ROCK2: variants seen among roughly 807,000 people sequenced by gnomAD.
ROCK2 encodes the protein rho-associated protein kinase 2.
ROCK2 carries 61 observed loss-of-function variants against 195.1 expected under a neutral mutation model. The observed-to-expected ratio is 0.31, with a 90% CI of 0.25 to 0.39. The LOEUF (loss-of-function observed/expected upper bound fraction) is 0.39, where lower values mean the gene tolerates loss of function less well. Among genes scored for constraint, ROCK2 ranks in the 10% least tolerant of loss-of-function variants. ROCK2 has a pLI of 1.00. For synonymous variants in ROCK2, 504 were observed against 545.5 expected, an observed-to-expected ratio of 0.92 and a Z score of 1.06; for missense variants, 1,109 against 1,637.4, an observed-to-expected ratio of 0.68 and a Z score of 5.57.
intron 1 of ROCK2, among the ~76,000 whole-genome samples, chr2:11,328,119 A>G (rs1470303830): frequency 3.9e-5 from 6 of 152,114 alleles, no homozygotes; most frequent in Non-Finnish European, 7.4e-5. Flanking sequence ...CCCAAAGTCC[A>G]TCATCTATGA....
At chr2:11,333,178 A>G (rs1057196483) in intron 1 of ROCK2, among the ~76,000 whole-genome samples, 6 of 152,218 alleles carry the variant, frequency 3.9e-5, no homozygotes, top group Non-Finnish European at 5.9e-5. Flanking sequence ...AAACAGTTGA[A>G]AATAAAAAGA....
chr2:11,284,843 T>G (rs1485521131), intron 3 of ROCK2, among the ~76,000 whole-genome samples: 1 of 152,226 alleles, frequency 6.6e-6, no homozygotes, highest in African/African-American at 2.4e-5. Context: ...CTGGCCAATG[T>G]TCTTTCCCAT....
chr2:11,247,976 C>A (rs1271865315), intron 4 of ROCK2, among the ~76,000 whole-genome samples: 2 of 151,678 alleles, frequency 1.3e-5, no homozygotes, highest in Admixed American at 1.3e-4. Context: ...GAGCGAAGAT[C>A]ACGCCACTGA....
intron 4 of ROCK2, among the ~76,000 whole-genome samples, chr2:11,244,509 T>C (rs1036816705): frequency 6.6e-6 from 1 of 152,170 alleles, no homozygotes; most frequent in Non-Finnish European, 1.5e-5. Context: ...ATGTCTATAA[T>C]AATCCCAGTG....
chr2:11,294,814 G>T (rs766462254), intron 1 of ROCK2, among the ~76,000 whole-genome samples: 29 of 151,824 alleles, frequency 1.9e-4, no homozygotes, highest in Non-Finnish European at 3.7e-4. Context: ...GCCTTGCTCT[G>T]TTGCCCAGGC....
At chr2:11,290,562 C>T (rs560109322) in intron 1 of ROCK2, among the ~76,000 whole-genome samples, 5 of 152,134 alleles carry the variant, frequency 3.3e-5, no homozygotes, top group Non-Finnish European at 2.9e-5. Flanking sequence ...TCCAACCGTA[C>T]AGAAATGACA....
At chr2:11,214,274 G>C (rs1016799617) in intron 17 of ROCK2, 83 bp downstream of exon 17, 5 of 723,110 alleles carry the variant, frequency 6.9e-6, no homozygotes, top group Non-Finnish European at 1.2e-5. Context: ...TCCAGTTAGT[G>C]ACTTCCCTTA....
intron 1 of ROCK2, among the ~76,000 whole-genome samples, chr2:11,304,783 G>A (rs528392236): frequency 2.6e-4 from 40 of 152,138 alleles, no homozygotes; most frequent in African/African-American, 7.2e-4. Flanking sequence ...TAAACGTTTC[G>A]AAATCACAAC....
In ROCK2 at chr2:11,181,939, T is replaced by G. The variant is rs1409499908; in HGVS notation, c.*1498A>C. The G allele has an allele frequency of 6.6e-6, 1 of 151,984 alleles. No individual in the cohort carries two copies. Among genetic ancestry groups the G allele is most frequent in the Non-Finnish European group, 1.5e-5 (1 of 67,998 alleles). 9.4% of individuals were successfully genotyped at this position (151,984 alleles called of 1,614,324 possible). A position where few individuals can be genotyped will look rare whatever the true frequency, so the allele number is the denominator to read the frequency against. On this transcript the variant is annotated 3_prime_UTR_variant, in exon 33 of 33. Transcript: ENST00000315872. Reference sequence around the variant, plus strand: ...TAAGCCACCATGCCTGGCCAGATGATGTATTTAAATATCATACCAAACTCT... The same window carrying G: ...TAAGCCACCATGCCTGGCCAGATGAGGTATTTAAATATCATACCAAACTCT...
intron 1 of ROCK2, among the ~76,000 whole-genome samples, chr2:11,310,303 T>C (rs1189314353): frequency 6.6e-6 from 1 of 152,162 alleles, no homozygotes; most frequent in East Asian, 1.9e-4. Flanking sequence ...TGGCCATCAC[T>C]GTAAAGTCTT....
chr2:11,209,033 A>G (rs1664160173), intron 18 of ROCK2, among the ~76,000 whole-genome samples: 1 of 152,202 alleles, frequency 6.6e-6, no homozygotes, highest in African/African-American at 2.4e-5. Flanking sequence ...TATATTCTAC[A>G]AGATGCTTAC....
At chr2:11,229,749 C>G (rs1664940108) in intron 5 of ROCK2, among the ~76,000 whole-genome samples, 2 of 151,798 alleles carry the variant, frequency 1.3e-5, no homozygotes, top group East Asian at 3.8e-4. Context: ...TACTGTAAGA[C>G]TAATTAAAAA....
chr2:11,340,735 G>A (rs910750736), intron 1 of ROCK2, among the ~76,000 whole-genome samples: 3 of 152,122 alleles, frequency 2.0e-5, no homozygotes, highest in Admixed American at 1.3e-4. Context: ...TTGTCAGATA[G>A]TTTACAAGTA....
chr2:11,224,783 C>T lies in ROCK2; in HGVS notation c.869-323G>A, dbSNP rs542424686. Among the ~76,000 whole-genome samples the T allele has an allele frequency of 3.2e-3, 488 of 151,356 alleles. 4 individuals are homozygous for T. Among genetic ancestry groups the T allele is most frequent in the African/African-American group, 0.012 (482 of 41,242 alleles). ...CTGAATAGTCCAAGAGAAAGAGTTC[C>T]TATGTGGGGTCAGATCAGTCAGGGT... On this transcript the variant is annotated intron_variant, in intron 6 of 32. Coordinates refer to ENST00000315872, the MANE Select transcript of ROCK2 (RefSeq NM_004850.5).
intron 9 of ROCK2, among the ~76,000 whole-genome samples, chr2:11,219,336 C>CA (rs35159426): frequency 0.28 from 18,520 of 66,912 alleles, 3,042 homozygotes; most frequent in East Asian, 0.52. Context: ...CTTATCTCTA[C>CA]AAAAAAAAAA....
chr2:11,289,942 T>C (rs1298391338), intron 1 of ROCK2, among the ~76,000 whole-genome samples: 1 of 152,190 alleles, frequency 6.6e-6, no homozygotes, highest in Non-Finnish European at 1.5e-5. Flanking sequence ...CCAAACACTA[T>C]CACAATTAGG....
intron 4 of ROCK2, among the ~76,000 whole-genome samples, chr2:11,247,249 T>C (rs1572299799): frequency 6.6e-6 from 1 of 152,224 alleles, no homozygotes; most frequent in East Asian, 1.9e-4. Context: ...CAGGGCTTCT[T>C]TGGAGGGTGA....
intron 3 of ROCK2, among the ~76,000 whole-genome samples, chr2:11,282,138 C>G (rs925718130): frequency 1.3e-5 from 2 of 152,054 alleles, no homozygotes; most frequent in Non-Finnish European, 2.9e-5. Flanking sequence ...ATCGCTTGAG[C>G]CCAGGAATTT....
rs1432354600 is a variant in ROCK2, at chr2:11,317,603, TATATA to T, written c.141+26388_141+26392del. 9.1e-4 allele frequency among the ~76,000 whole-genome samples: 19 copies of T among 20,926 alleles called. 1 individual carries two copies. Among genetic ancestry groups the T allele is most frequent in the South Asian group, 5.0e-3 (3 of 600 alleles). The allele number at this position is 20,926 out of a possible 152,430, so 13.7% of individuals were successfully genotyped here. The stretch of plus-strand genomic sequence containing the variant: ...ATATATATATATATATATATATATA[TATATA>T]TATATTTTTTTTTTTTTTTAATTAT... On this transcript the variant is annotated intron_variant, in intron 1 of 32. Coordinates refer to ENST00000315872, the MANE Select transcript of ROCK2 (RefSeq NM_004850.5).
Sources: gnomAD v4.1 joint callset for allele counts (sites outside exome capture counted in the v4.1 genomes callset) on GRCh38, gnomAD v4.1.1 for gene constraint, MANE v1.5 for transcripts, NCBI Gene and HGNC (gene_info 2026-07-23, HGNC 2026-07-21) for gene names.